Variants in C1orf185 observed in about 807,000 individuals in gnomAD.
C1orf185 encodes chromosome 1 open reading frame 185.
A neutral mutation model predicts 16.1 loss-of-function variants in C1orf185; 13 were observed. The ratio of observed to expected loss-of-function variants is 0.81; its 90% CI spans 0.53 to 1.28. The LOEUF (loss-of-function observed/expected upper bound fraction) is 1.28. C1orf185 is among the 50% of genes most tolerant of loss of function. The pLI, the probability that C1orf185 is intolerant of heterozygous loss-of-function variation, is 0.00. For missense variants in C1orf185, 220 were observed against 225.2 expected (o/e 0.98, Z 0.15); for synonymous variants, 80 against 76.9 (o/e 1.04, Z -0.21).
At chr1:51,146,675 C>T (rs1285040796) in intron 4 of C1orf185, among the ~76,000 whole-genome samples, 1 of 151,980 alleles carries the variant, frequency 6.6e-6, no homozygotes, top group Admixed American at 6.6e-5. Flanking sequence ...TGGCTAAAAT[C>T]TATTTTGTAT....
intron 3 of C1orf185, among the ~76,000 whole-genome samples, chr1:51,125,210 G>A (rs1271346107): frequency 6.6e-6 from 1 of 152,178 alleles, no homozygotes; most frequent in Non-Finnish European, 1.5e-5. Context: ...TTAGAAGGAA[G>A]AGAAAAATTA....
At chr1:51,134,558 G>T (rs2148026692) in intron 3 of C1orf185, among the ~76,000 whole-genome samples, 1 of 151,876 alleles carries the variant, frequency 6.6e-6, no homozygotes, top group African/African-American at 2.4e-5. Flanking sequence ...GAATCCAGGA[G>T]CTGGTTTTCT....
chr1:51,133,593 A>G (rs1245833726), intron 3 of C1orf185, among the ~76,000 whole-genome samples: 1 of 152,244 alleles, frequency 6.6e-6, no homozygotes, highest in African/African-American at 2.4e-5. Context: ...TTAGACTCCT[A>G]CACAATAGTA....
chr1:51,105,345 C>A (rs72692270), intron 1 of C1orf185, among the ~76,000 whole-genome samples: 2,680 of 151,290 alleles, frequency 0.018, 23 homozygotes, highest in Middle Eastern at 0.031. Flanking sequence ...AACTATGCAG[C>A]CTTAAAAAAA....
chr1:51,128,410 A>AACGGCATTTAAATGTGCTTTTAG (rs142355453), intron 3 of C1orf185, among the ~76,000 whole-genome samples: 19,580 of 152,030 alleles, frequency 0.13, 2,342 homozygotes, highest in African/African-American at 0.32. Context: ...GTGGGTGTAA[A>AACGGCATTTAAATGTGCTTTTAG]GCCAGGCACA....
In C1orf185 at chr1:51,147,587, C is replaced by T; in HGVS notation, c.416C>T (p.Pro139Leu). The T allele has an allele frequency of 6.4e-7, 1 of 1,551,538 alleles. No homozygotes were observed. The highest frequency in any genetic ancestry group is 8.7e-7 in the Non-Finnish European group (1 of 1,146,910). ...GTTACATTAAGCTTATCAACATTACCATCTGATTCTTATTACAGCCAAAGT... is the reference window on the plus strand; with the variant it reads ...GTTACATTAAGCTTATCAACATTACTATCTGATTCTTATTACAGCCAAAGT... ...SSVTLSLSTL[P>L]SDSYYSQSIE... is the part of the protein sequence containing the mutation. Residue 139 changes from proline to leucine, a missense_variant, in exon 5 of 5, where the codon CCA (proline) becomes CTA (leucine). By Grantham distance (98) the Pro-to-Leu change is moderately conservative (BLOSUM62 -3). Coordinates refer to ENST00000371759, the MANE Select transcript of C1orf185 (RefSeq NM_001136508.2).
At chr1:51,127,756 T>G (rs976283602) in intron 3 of C1orf185, among the ~76,000 whole-genome samples, 21 of 152,214 alleles carry the variant, frequency 1.4e-4, no homozygotes, top group African/African-American at 4.6e-4. Context: ...TAGTCCATTA[T>G]AGGAACATTT....
intron 3 of C1orf185, among the ~76,000 whole-genome samples, chr1:51,127,520 A>G (rs1646250595): frequency 6.6e-6 from 1 of 152,166 alleles, no homozygotes; most frequent in African/African-American, 2.4e-5. Context: ...TCCTGACCTC[A>G]GGTGATCCAC....
chr1:51,128,410 A>AACGACATTTAAATGTGCTTTTAG (rs142355453), intron 3 of C1orf185, among the ~76,000 whole-genome samples: 1 of 152,084 alleles, frequency 6.6e-6, no homozygotes, highest in African/African-American at 2.4e-5. Context: ...GTGGGTGTAA[A>AACGACATTTAAATGTGCTTTTAG]GCCAGGCACA....
chr1:51,114,459 AC>A (rs1646143938), intron 2 of C1orf185, among the ~76,000 whole-genome samples: 1 of 152,224 alleles, frequency 6.6e-6, no homozygotes, highest in African/African-American at 2.4e-5. Flanking sequence ...GCGGTGACTC[AC>A]GTCTGTAATC....
chr1:51,109,367 C>A (rs549438939), intron 1 of C1orf185, among the ~76,000 whole-genome samples: 1 of 152,144 alleles, frequency 6.6e-6, no homozygotes, highest in Non-Finnish European at 1.5e-5. Context: ...CAAGTTGTCT[C>A]TTCGCTTTGT....
At chr1:51,136,698 C>A (rs749533556) in intron 3 of C1orf185, among the ~76,000 whole-genome samples, 2 of 152,106 alleles carry the variant, frequency 1.3e-5, no homozygotes, top group African/African-American at 2.4e-5. Flanking sequence ...ACTGGCTAAC[C>A]ATATGCAGAA....
At chr1:51,132,860 C>T (rs916990900) in intron 3 of C1orf185, among the ~76,000 whole-genome samples, 2 of 152,154 alleles carry the variant, frequency 1.3e-5, no homozygotes, top group Non-Finnish European at 2.9e-5. Context: ...AACTGCAGAC[C>T]TCTCAAAAGA....
rs1646394278 is a variant in C1orf185 at position 51,145,720 on chromosome 1, G to A, written c.259-4G>A. On this transcript the variant is annotated splice_region_variant and splice_polypyrimidine_tract_variant and intron_variant, in intron 3 of 4. Coordinates refer to ENST00000371759, the MANE Select transcript of C1orf185 (RefSeq NM_001136508.2). ...TAAAACACAAATAACTTTTTTTAAT[G>A]TAGGAGGAGCAAAGAAAAAAGGAAG... is the stretch of plus-strand genomic sequence containing the variant. 4 of 1,297,286 alleles carry A rather than the reference G, an allele frequency of 3.1e-6. No homozygotes were observed. Among genetic ancestry groups the A allele is most frequent in the Non-Finnish European group, 4.2e-6 (4 of 958,542 alleles). The allele number at this position is 1,297,286 out of a possible 1,614,324, so 80.4% of individuals were successfully genotyped here.
chr1:51,144,558 A>G (rs554289679), intron 3 of C1orf185, among the ~76,000 whole-genome samples: 1 of 152,182 alleles, frequency 6.6e-6, no homozygotes, highest in Admixed American at 6.5e-5. Context: ...CAAAACATTT[A>G]AAAAATTAAC....
At chr1:51,121,926 A>G (rs1646200436) in intron 3 of C1orf185, among the ~76,000 whole-genome samples, 1 of 152,180 alleles carries the variant, frequency 6.6e-6, no homozygotes, top group African/African-American at 2.4e-5. Context: ...CACTAAAGGA[A>G]CCACTATCCT....
At chr1:51,123,295 G>A (rs1006475567) in intron 3 of C1orf185, among the ~76,000 whole-genome samples, 1 of 152,198 alleles carries the variant, frequency 6.6e-6, no homozygotes, top group African/African-American at 2.4e-5. Flanking sequence ...TGGATTAAGT[G>A]TGGATTAAGT....
At chr1:51,111,702 T>C (rs933525435) in intron 1 of C1orf185, among the ~76,000 whole-genome samples, 2 of 152,214 alleles carry the variant, frequency 1.3e-5, no homozygotes, top group South Asian at 4.1e-4. Context: ...GTATTTTTAG[T>C]AGAGACAGGG....
intron 2 of C1orf185, among the ~76,000 whole-genome samples, chr1:51,116,315 CTTTT>C (rs59140209): frequency 2.2e-5 from 3 of 137,338 alleles, no homozygotes; most frequent in Admixed American, 7.4e-5. Flanking sequence ...TCACCCTACC[CTTTT>C]TTTTTTTTTT....
Sources: gnomAD v4.1 joint callset for allele counts (sites outside exome capture counted in the v4.1 genomes callset) on GRCh38, gnomAD v4.1.1 for gene constraint, MANE v1.5 for transcripts, NCBI Gene and HGNC (gene_info 2026-07-23, HGNC 2026-07-21) for gene names.